The following NCKAP1 variants were observed in gnomAD, a reference collection of about 807,000 sequenced individuals.
The protein encoded by NCKAP1 is nck-associated protein 1.
A neutral mutation model predicts 151.2 loss-of-function variants in NCKAP1; 21 were observed. That is an observed-to-expected ratio of 0.14 (90% CI 0.10 to 0.20). NCKAP1 has a LOEUF of 0.20. Ranked by LOEUF, NCKAP1 falls within the 10% of genes least tolerant of loss-of-function variation. The probability of loss-of-function intolerance (pLI) is 1.00; values close to 1 mark genes in which losing one functional copy is unlikely to be tolerated. For synonymous variants in NCKAP1, 484 were observed against 451.8 expected, an observed-to-expected ratio of 1.07 and a Z score of -0.90; for missense variants, 933 against 1,352.1, an observed-to-expected ratio of 0.69 and a Z score of 4.86.
At chr2:182,999,505 T>A (rs781099670) in intron 6 of NCKAP1, among the ~76,000 whole-genome samples, 9 of 152,112 alleles carry the variant, frequency 5.9e-5, no homozygotes, top group Non-Finnish European at 1.2e-4. Context: ...AAATAACAGA[T>A]GTTGGCAAGG....
chr2:183,017,570 G>T (rs909333387), intron 2 of NCKAP1, among the ~76,000 whole-genome samples: 1 of 152,132 alleles, frequency 6.6e-6, no homozygotes, highest in African/African-American at 2.4e-5. Flanking sequence ...TGTAAATACA[G>T]ATGAAGCTTA....
At chr2:183,017,717 C>G (rs945071822) in intron 2 of NCKAP1, among the ~76,000 whole-genome samples, 1 of 152,068 alleles carries the variant, frequency 6.6e-6, no homozygotes, top group Admixed American at 6.6e-5. Context: ...TTAGTTGAAG[C>G]CACAGCAGTA....
In NCKAP1 at chr2:182,924,592, C is replaced by A. The variant is rs1696604051; in HGVS notation, c.*1110G>T. On this transcript the variant is annotated 3_prime_UTR_variant, in exon 31 of 31. Transcript: ENST00000361354. ...GATCACTCAATTTTTTTTCCCTATT[C>A]TTTTAAATAACTCTATTTGGTTACA... is the stretch of plus-strand genomic sequence containing the variant. 1 of 152,026 alleles carries A rather than the reference C, an allele frequency of 6.6e-6. No individual in the cohort carries two copies. Among genetic ancestry groups the A allele is most frequent in the African/African-American group, 2.4e-5 (1 of 41,382 alleles). 9.4% of individuals were successfully genotyped at this position (152,026 alleles called of 1,614,324 possible). A position where few individuals can be genotyped will look rare whatever the true frequency, so the allele number is the denominator to read the frequency against.
chr2:182,995,988 T>C (rs1698261049), intron 6 of NCKAP1, 150 bp from the exon 7 acceptor site: 1 of 702,492 alleles, frequency 1.4e-6, no homozygotes, highest in African/African-American at 1.8e-5. Flanking sequence ...CTGAGTTGGG[T>C]TGTGGCTCCT....
chr2:182,941,737 TAAC>T (rs1369692886), intron 24 of NCKAP1, among the ~76,000 whole-genome samples: 1 of 152,216 alleles, frequency 6.6e-6, no homozygotes. Flanking sequence ...TTTAGAAAGT[TAAC>T]AGGCTCAGAA....
intron 12 of NCKAP1, 28 bp from the exon 13 acceptor site, chr2:182,981,404 C>T: frequency 1.3e-6 from 2 of 1,502,622 alleles, no homozygotes; most frequent in South Asian, 2.3e-5. Flanking sequence ...GAAAAATATT[C>T]AAATAATAAA....
intron 14 of NCKAP1, among the ~76,000 whole-genome samples, chr2:182,977,847 G>T (rs1575043145): frequency 3.3e-5 from 5 of 152,142 alleles, no homozygotes; most frequent in Admixed American, 3.3e-4. Context: ...GGTTAAGATG[G>T]TCAATTTTAT....
rs2271671 is a variant in NCKAP1 at position 182,962,290 on chromosome 2, G to A, written c.1762-12C>T. The A allele has an allele frequency of 0.71, 1,113,957 of 1,566,778 alleles. 402,442 individuals are homozygous for A. The highest frequency in any genetic ancestry group is 0.84 in the East Asian group (37,081 of 43,938). On this transcript the variant is annotated splice_polypyrimidine_tract_variant and intron_variant, in intron 17 of 30. Coordinates refer to ENST00000361354, the MANE Select transcript of NCKAP1 (RefSeq NM_013436.5). Reference sequence around the variant, plus strand: ...CCAATATGATGTCGCTGTGAAGGCAGAATAATAATAATAATACAAGTTATA... The same window carrying A: ...CCAATATGATGTCGCTGTGAAGGCAAAATAATAATAATAATACAAGTTATA...
intron 2 of NCKAP1, among the ~76,000 whole-genome samples, chr2:183,004,460 C>G (rs1201369274): frequency 3.8e-4 from 49 of 130,354 alleles, no homozygotes; most frequent in African/African-American, 1.5e-3. Context: ...ATATTTTTAA[C>G]TACGAAAAAC....
intron 15 of NCKAP1, among the ~76,000 whole-genome samples, chr2:182,972,224 CAAAAAA>C (rs56834438): frequency 1.5e-5 from 1 of 67,706 alleles, no homozygotes; most frequent in African/African-American, 5.9e-5. Context: ...AGCTTAATAG[CAAAAAA>C]AAAAAAAAAA....
rs746502003 is a variant in NCKAP1 at position 182,924,004 on chromosome 2, C to A, written c.*1698G>T. 9 of 152,126 alleles carry A rather than the reference C, an allele frequency of 5.9e-5. No homozygotes were observed. Among genetic ancestry groups the A allele is most frequent in the Non-Finnish European group, 1.2e-4 (8 of 68,022 alleles). 9.4% of individuals were successfully genotyped at this position (152,126 alleles called of 1,614,324 possible). A position where few individuals can be genotyped will look rare whatever the true frequency, so the allele number is the denominator to read the frequency against. On this transcript the variant is annotated 3_prime_UTR_variant, in exon 31 of 31. Coordinates refer to ENST00000361354, the MANE Select transcript of NCKAP1 (RefSeq NM_013436.5). ...TACTTTACCTCTCCAGAGATCACTG[C>A]CAACAAAGTTATTACCTCTCTAAGA...
At chr2:183,032,728 C>T (rs1261086229) in intron 1 of NCKAP1, among the ~76,000 whole-genome samples, 1 of 152,106 alleles carries the variant, frequency 6.6e-6, no homozygotes, top group Non-Finnish European at 1.5e-5. Context: ...GGGTTACATT[C>T]CAATAAACCT....
At chr2:182,955,014 C>T (rs1697296048) in intron 20 of NCKAP1, among the ~76,000 whole-genome samples, 1 of 152,126 alleles carries the variant, frequency 6.6e-6, no homozygotes, top group South Asian at 2.1e-4. Context: ...GAATAATAAA[C>T]ACCACAAGGC....
intron 1 of NCKAP1, among the ~76,000 whole-genome samples, chr2:183,028,248 T>C (rs1559112175): frequency 6.6e-6 from 1 of 151,856 alleles, no homozygotes; most frequent in Non-Finnish European, 1.5e-5. Flanking sequence ...GAAAGAAAAC[T>C]ATGCATAAAG....
At chr2:182,959,812 G>A (rs1241686239) in intron 18 of NCKAP1, among the ~76,000 whole-genome samples, 3 of 152,070 alleles carry the variant, frequency 2.0e-5, no homozygotes, top group East Asian at 1.9e-4. Context: ...CTGTTTGCAG[G>A]GGACATGATT....
At chr2:183,036,532 T>C (rs931009249) in intron 1 of NCKAP1, among the ~76,000 whole-genome samples, 1 of 152,206 alleles carries the variant, frequency 6.6e-6, no homozygotes, top group African/African-American at 2.4e-5. Context: ...CTAACCTATA[T>C]AAATTTATAA....
chr2:183,005,217 T>C (rs1308914415), intron 2 of NCKAP1, among the ~76,000 whole-genome samples: 5 of 152,332 alleles, frequency 3.3e-5, no homozygotes, highest in African/African-American at 1.2e-4. Flanking sequence ...ACATTCATAA[T>C]AGTAAGATAT....
chr2:182,978,686 C>A (rs1575043577), intron 14 of NCKAP1, 148 bp downstream of exon 14: 1 of 420,870 alleles, frequency 2.4e-6, no homozygotes, highest in Non-Finnish European at 4.3e-6. Flanking sequence ...CATCACAAAC[C>A]CATTTTGGAA....
chr2:182,984,989 TC>T (rs964346766), intron 10 of NCKAP1, among the ~76,000 whole-genome samples: 7 of 152,322 alleles, frequency 4.6e-5, no homozygotes, highest in African/African-American at 1.7e-4. Context: ...GTAGCGTCTA[TC>T]CCACGAAGAA....
Sources: allele counts gnomAD v4.1 joint callset (sites outside exome capture counted in the v4.1 genomes callset), GRCh38; gene constraint gnomAD v4.1.1; transcripts MANE v1.5; gene names NCBI Gene and HGNC (gene_info 2026-07-23, HGNC 2026-07-21).